The following NDUFV1 variants were observed in gnomAD, a reference collection of about 807,000 sequenced individuals.
The protein encoded by NDUFV1 is NADH:ubiquinone oxidoreductase core subunit V1.
In NDUFV1, 41 loss-of-function variants were observed where a neutral mutation model predicts 48.7. The ratio of observed to expected loss-of-function variants is 0.84; its 90% confidence interval spans 0.66 to 1.09. NDUFV1 has a LOEUF of 1.09. Among genes scored for constraint, NDUFV1 ranks in the 50% least tolerant of loss-of-function variants. The pLI is 0.00. For missense variants in NDUFV1, 580 were observed against 645.4 expected, an observed-to-expected ratio of 0.90 and a Z score of 1.10; for synonymous variants, 231 against 259.1, an observed-to-expected ratio of 0.89 and a Z score of 1.04.
Position 67,611,654 on chromosome 11 carries a change from C to T in NDUFV1, c.1080+85C>T, listed in dbSNP as rs1854919288. ...GCCTCCCAGAAAACCCTCTTGCCAGCACTCAGGTCTCAGTTCCTGCAGCCT... is the reference window on the plus strand; with the variant it reads ...GCCTCCCAGAAAACCCTCTTGCCAGTACTCAGGTCTCAGTTCCTGCAGCCT... On this transcript the variant is annotated intron_variant, in intron 7 of 9. Coordinates refer to ENST00000322776, the MANE Select transcript of NDUFV1 (RefSeq NM_007103.4). This position sits in a 1 kb window ranked among gnomAD's most constrained non-coding sequence, Gnocchi z 4.2. 6.5e-7 allele frequency: 1 copy of T among 1,542,114 alleles called. No homozygotes were observed. The highest frequency in any genetic ancestry group is 8.8e-7 in the Non-Finnish European group (1 of 1,139,798).
Position 67,612,297 on chromosome 11 carries a change from G to A in NDUFV1, c.1308+32G>A. On this transcript the variant is annotated intron_variant, in intron 9 of 9. Transcript: ENST00000322776. This position sits in a 1 kb window ranked among gnomAD's most constrained non-coding sequence, Gnocchi z 4.4. Reference sequence around the variant, plus strand: ...ACCACCCTTCTGCGTAGCACGGAGGGTGGGTGGCATCAAGGGCCCAGGGTG... The same window carrying A: ...ACCACCCTTCTGCGTAGCACGGAGGATGGGTGGCATCAAGGGCCCAGGGTG... The A allele has an allele frequency of 6.2e-7, 1 of 1,613,940 alleles. No individual in the cohort carries two copies. The highest frequency in any genetic ancestry group is 8.5e-7 in the Non-Finnish European group (1 of 1,179,906).
intron 4 of NDUFV1, chr11:67,610,166 C>G (rs1986872892): frequency 1.7e-6 from 1 of 591,608 alleles, no homozygotes. Flanking sequence ...ATTTTCCTGG[C>G]AGCAAAGCAG....
Position 67,611,903 on chromosome 11 carries a change from A to G in NDUFV1, c.1087A>G (p.Ile363Val), listed in dbSNP as rs200270653. ...AVIVMDRSTD[I>V]VKAIARLIEF... is the part of the protein sequence containing the mutation. ...ATTGCCCCTCGTCACCCAGACGGACATCGTGAAAGCCATCGCCCGCCTCAT... is the reference window on the plus strand; with the variant it reads ...ATTGCCCCTCGTCACCCAGACGGACGTCGTGAAAGCCATCGCCCGCCTCAT... The change falls in exon 8 of 10, where the codon ATC becomes GTC. Residue 363 changes from isoleucine to valine, a missense_variant. By Grantham distance (29) the Ile-to-Val change is conservative (BLOSUM62 3). Coordinates refer to ENST00000322776, the MANE Select transcript of NDUFV1 (RefSeq NM_007103.4). This position sits in a 1 kb window ranked among gnomAD's most constrained non-coding sequence, Gnocchi z 4.2. 8.1e-6 allele frequency: 13 copies of G among 1,614,068 alleles called. No homozygotes were observed. The highest frequency in any genetic ancestry group is 2.2e-5 in the East Asian group (1 of 44,850).
At position 67,606,973 on chromosome 11, in the gene NDUFV1, A is replaced by T; in HGVS notation, c.-32A>T. On this transcript the variant is annotated 5_prime_UTR_variant, in exon 1 of 10. Coordinates refer to ENST00000322776, the MANE Select transcript of NDUFV1 (RefSeq NM_007103.4). Reference sequence around the variant, plus strand: ...CCTCAGCCTCAGTGCTATGAAGGTGACAGCGTGAGGTGACCCATCTGGCCC... The same window carrying T: ...CCTCAGCCTCAGTGCTATGAAGGTGTCAGCGTGAGGTGACCCATCTGGCCC... 6.2e-7 allele frequency: 1 copy of T among 1,601,818 alleles called. No individual in the cohort carries two copies. The highest frequency in any genetic ancestry group is 8.5e-7 in the Non-Finnish European group (1 of 1,174,938).
Position 67,608,339 on chromosome 11 carries a change from G to T in NDUFV1, c.73-57G>T, listed in dbSNP as rs1236813175. The T allele has an allele frequency of 7.3e-6, 11 of 1,510,486 alleles. No homozygotes were observed. In the South Asian group the frequency reaches 1.2e-4, roughly 17 times the overall value. The allele number at this position is 1,510,486 out of a possible 1,614,324, so 93.6% of individuals were successfully genotyped here. On this transcript the variant is annotated intron_variant, in intron 1 of 9. Coordinates refer to ENST00000322776, the MANE Select transcript of NDUFV1 (RefSeq NM_007103.4). ...GAGACCCAAGATTCTGTAGCTTCTG[G>T]CCCAATCCCTCATGGCCCCAGAGCA...
At position 67,612,159 on chromosome 11, in the gene NDUFV1, G is replaced by T. The variant is rs1229431917; in HGVS notation, c.1202G>T (p.Arg401Met). Reference sequence around the variant, plus strand: ...AACAAGGTGATGGCACGTTTCGTGAGGGGGGATGCCCGGCCGGCCGAGATC... The same window carrying T: ...AACAAGGTGATGGCACGTTTCGTGATGGGGGATGCCCGGCCGGCCGAGATC... The part of the protein sequence containing the change: ...WMNKVMARFV[R>M]GDARPAEIDS... Residue 401 changes from arginine to methionine, a missense_variant, in exon 9 of 10, where the codon AGG becomes ATG. Transcript: ENST00000322776. This position sits in a 1 kb window ranked among gnomAD's most constrained non-coding sequence, Gnocchi z 4.4. 2 of 1,613,474 alleles carry T rather than the reference G, an allele frequency of 1.2e-6. No homozygotes were observed. Among genetic ancestry groups the T allele is most frequent in the South Asian group, 1.1e-5 (1 of 91,042 alleles).
In NDUFV1 at chr11:67,611,968, A is replaced by G. The variant is rs1854924645; in HGVS notation, c.1152A>G (p.Pro384=). Residue 384 remains proline, a synonymous_variant, in exon 8 of 10, where the codon CCA becomes CCG. Transcript: ENST00000322776. This position sits in a 1 kb window ranked among gnomAD's most constrained non-coding sequence, Gnocchi z 4.2. ...YKHESCGQCT[P]CREGVDWMNK... Reference sequence around the variant, plus strand: ...ACGAGAGCTGTGGCCAGTGTACCCCATGCCGTGAGGGTGAGCATCGGGCAG... The same window carrying G: ...ACGAGAGCTGTGGCCAGTGTACCCCGTGCCGTGAGGGTGAGCATCGGGCAG... 1 of 1,613,852 alleles carries G rather than the reference A, an allele frequency of 6.2e-7. No individual in the cohort carries two copies. The highest frequency in any genetic ancestry group is 8.5e-7 in the Non-Finnish European group (1 of 1,179,944).
rs1802285 is a variant in NDUFV1, at chr11:67,611,912, G to A, written c.1096G>A (p.Ala366Thr). The change falls in exon 8 of 10, where the codon GCC becomes ACC. Residue 366 changes from alanine (A) to threonine (T), a missense_variant. Transcript: ENST00000322776. The surrounding 1 kb of genome is among the most constrained non-coding windows in gnomAD (Gnocchi z 4.2). ...VMDRSTDIVKAIARLIEFYKH... is the reference protein window; with the variant it reads ...VMDRSTDIVKTIARLIEFYKH... ...CGTCACCCAGACGGACATCGTGAAA[G>A]CCATCGCCCGCCTCATTGAGTTCTA... 6 of 1,613,940 alleles carry A rather than the reference G, an allele frequency of 3.7e-6. No individual in the cohort carries two copies. In the Admixed American group the frequency reaches 8.3e-5, roughly 22 times the overall value.
chr11:67,610,480 T>C lies in NDUFV1; in HGVS notation c.610T>C (p.Tyr204His). Residue 204 changes from tyrosine to histidine, a missense_variant, in exon 5 of 10, where the codon TAC (tyrosine) becomes CAC (histidine). Coordinates refer to ENST00000322776, the MANE Select transcript of NDUFV1 (RefSeq NM_007103.4). ...GTTTGTGGTGCGCGGGGCTGGGGCC[T>C]ACATCTGTGGAGAGGAGACAGCGCT... Reference protein sequence around the residue: ...DVFVVRGAGAYICGEETALIE... With the variant: ...DVFVVRGAGAHICGEETALIE... 6.2e-7 allele frequency: 1 copy of C among 1,614,130 alleles called. No individual in the cohort carries two copies. The highest frequency in any genetic ancestry group is 8.5e-7 in the Non-Finnish European group (1 of 1,180,006).
chr11:67,610,499 C>G lies in NDUFV1; in HGVS notation c.629C>G (p.Thr210Arg). Residue 210 changes from threonine (T) to arginine (R), a missense_variant, in exon 5 of 10, where the codon ACA (threonine) becomes AGA (arginine). Transcript: ENST00000322776. ...GAGAYICGEE[T>R]ALIESIEGKQ... ...GGGGCCTACATCTGTGGAGAGGAGACAGCGCTCATCGAGTCCATTGAGGGC... is the reference window on the plus strand; with the variant it reads ...GGGGCCTACATCTGTGGAGAGGAGAGAGCGCTCATCGAGTCCATTGAGGGC... 1 of 1,614,140 alleles carries G rather than the reference C, an allele frequency of 6.2e-7. No homozygotes were observed. The highest frequency in any genetic ancestry group is 8.5e-7 in the Non-Finnish European group (1 of 1,180,012).
Position 67,612,259 on chromosome 11 carries a change from T to C in NDUFV1, c.1302T>C (p.Pro434=). Residue 434 remains proline, a synonymous_variant, in exon 9 of 10, where the codon CCT becomes CCC. Coordinates refer to ENST00000322776, the MANE Select transcript of NDUFV1 (RefSeq NM_007103.4). This position sits in a 1 kb window ranked among gnomAD's most constrained non-coding sequence, Gnocchi z 4.4. ...ICALGDGAAW[P]VQGLIRHFRP... ...CTCTGGGTGACGGGGCCGCCTGGCC[T>C]GTGCAGGTATTCACCACCCTTCTGC... 2 of 1,613,906 alleles carry C rather than the reference T, an allele frequency of 1.2e-6. No individual in the cohort carries two copies. Among genetic ancestry groups the C allele is most frequent in the Non-Finnish European group, 1.7e-6 (2 of 1,179,918 alleles).
At position 67,612,208 on chromosome 11, in the gene NDUFV1, G is replaced by T. The variant is rs749630660; in HGVS notation, c.1251G>T (p.Lys417Asn). The stretch of plus-strand genomic sequence containing the variant: ...TCGACTCCCTGTGGGAGATCAGCAA[G>T]CAGATAGAAGGCCATACGATTTGTG... ...AEIDSLWEISKQIEGHTICAL... is the reference protein window; with the variant it reads ...AEIDSLWEISNQIEGHTICAL... Residue 417 changes from lysine to asparagine, a missense_variant, in exon 9 of 10, where the codon AAG becomes AAT. Lys to Asn is a moderately conservative substitution (Grantham distance 94). Coordinates refer to ENST00000322776, the MANE Select transcript of NDUFV1 (RefSeq NM_007103.4). The surrounding 1 kb of genome is among the most constrained non-coding windows in gnomAD (Gnocchi z 4.4). 6.2e-7 allele frequency: 1 copy of T among 1,613,760 alleles called. No individual in the cohort carries two copies. Among genetic ancestry groups the T allele is most frequent in the East Asian group, 2.2e-5 (1 of 44,754 alleles).
intron 3 of NDUFV1, 84 bp from the exon 4 acceptor site, chr11:67,609,368 C>A (rs756981974): frequency 6.9e-7 from 1 of 1,448,842 alleles, no homozygotes; most frequent in Non-Finnish European, 9.6e-7. Flanking sequence ...TCTTTGAGGC[C>A]TCCCTGGGTG....
In NDUFV1 at chr11:67,611,183, A is replaced by G; in HGVS notation, c.889A>G (p.Lys297Glu). 6.2e-7 allele frequency: 1 copy of G among 1,614,088 alleles called. No homozygotes were observed. Among genetic ancestry groups the G allele is most frequent in the Non-Finnish European group, 8.5e-7 (1 of 1,180,006 alleles). The part of the protein sequence containing the change: ...TVEEEMSVPL[K>E]ELIEKHAGGV... ...GGAGGAGGAGATGTCTGTGCCCTTG[A>G]AAGAACTGATTGAGAAGCATGCTGG... Residue 297 changes from lysine to glutamate, a missense_variant, in exon 6 of 10, where the codon AAA (lysine) becomes GAA (glutamate). Physicochemically the swap from Lys to Glu is moderately conservative, Grantham distance 56. Transcript: ENST00000322776. The surrounding 1 kb of genome is among the most constrained non-coding windows in gnomAD (Gnocchi z 4.2).
chr11:67,610,625 G>A (rs758418018), intron 5 of NDUFV1, 55 bp downstream of exon 5: 2 of 1,596,692 alleles, frequency 1.3e-6, no homozygotes, highest in Non-Finnish European at 1.7e-6. Context: ...CCGGGATCTG[G>A]CTAGGCTCCC....
Position 67,611,233 on chromosome 11 carries a change from TGGGGGGGTGCGCAGTG to T in NDUFV1, c.913+31_913+46del. The stretch of plus-strand genomic sequence containing the variant: ...GTAAGGCCTGGGGCCAGCCAGGTGG[TGGGGGGGTGCGCAGTG>T]GGGGCAGGTGTCCACAAAGAGAGCC... On this transcript the variant is annotated intron_variant, in intron 6 of 9. Coordinates refer to ENST00000322776, the MANE Select transcript of NDUFV1 (RefSeq NM_007103.4). This position sits in a 1 kb window ranked among gnomAD's most constrained non-coding sequence, Gnocchi z 4.2. 3.9e-6 allele frequency: 6 copies of T among 1,530,612 alleles called. No individual in the cohort carries two copies. Among genetic ancestry groups the T allele is most frequent in the Non-Finnish European group, 5.4e-6 (6 of 1,113,010 alleles). The allele number at this position is 1,530,612 out of a possible 1,614,324, so 94.8% of individuals were successfully genotyped here.
chr11:67,608,376 C>T lies in NDUFV1; in HGVS notation c.73-20C>T. ...ATGGCCCCAGAGCACTCTGGGCCTC[C>T]TGACCCTTTGTCTCCCTAGACAGCA... On this transcript the variant is annotated intron_variant, in intron 1 of 9. Coordinates refer to ENST00000322776, the MANE Select transcript of NDUFV1 (RefSeq NM_007103.4). The T allele has an allele frequency of 1.2e-6, 2 of 1,610,578 alleles. No individual in the cohort carries two copies. Among genetic ancestry groups the T allele is most frequent in the Non-Finnish European group, 1.7e-6 (2 of 1,176,766 alleles).
chr11:67,607,773 C>T (rs889737105), intron 1 of NDUFV1, among the ~76,000 whole-genome samples: 2 of 152,200 alleles, frequency 1.3e-5, no homozygotes, highest in African/African-American at 4.8e-5. Flanking sequence ...TCAAATTGGA[C>T]CTGCTGCTTT....
rs1271887712 is a variant in NDUFV1, at chr11:67,609,625, C to A, written c.500C>A (p.Ser167Tyr). Residue 167 changes from serine to tyrosine, a missense_variant, in exon 4 of 10, where the codon TCC (serine) becomes TAC (tyrosine). Physicochemically the swap from Ser to Tyr is moderately radical, Grantham distance 144 (BLOSUM62 -2). Coordinates refer to ENST00000322776, the MANE Select transcript of NDUFV1 (RefSeq NM_007103.4). ...CGAGGGGAATTCTACAATGAGGCCT[C>A]CAATCTGCAGGTGGGTAGGGAGAGA... ...YIRGEFYNEASNLQVAIREAY... is the reference protein window; with the variant it reads ...YIRGEFYNEAYNLQVAIREAY... 6.2e-7 allele frequency: 1 copy of A among 1,604,542 alleles called. No homozygotes were observed. The highest frequency in any genetic ancestry group is 1.1e-5 in the South Asian group (1 of 91,082).
Sources: gnomAD v4.1 joint callset for allele counts (sites outside exome capture counted in the v4.1 genomes callset) on GRCh38, gnomAD v4.1.1 for gene constraint, Gnocchi (gnomAD v3.1) non-coding constraint, MANE v1.5 for transcripts, NCBI Gene and HGNC (gene_info 2026-07-23, HGNC 2026-07-21) for gene names.